AAGAB: variants seen among roughly 807,000 people sequenced by gnomAD.
AAGAB encodes alpha- and gamma-adaptin-binding protein p34.
AAGAB carries 38 observed loss-of-function variants against 44.1 expected under a neutral mutation model. The ratio of observed to expected loss-of-function variants is 0.86; its 90% CI spans 0.67 to 1.13. The LOEUF (loss-of-function observed/expected upper bound fraction) is 1.13. Among genes scored for constraint, AAGAB ranks in the 50% most tolerant of loss-of-function variants. AAGAB has a pLI of 0.00. For synonymous variants in AAGAB, 131 were observed against 131.8 expected (o/e 0.99, Z 0.04); for missense variants, 450 against 373.8 (o/e 1.20, Z -1.68).
intron 4 of AAGAB, among the ~76,000 whole-genome samples, chr15:67,234,380 AAAG>A (rs1382608002): frequency 3.9e-5 from 6 of 152,230 alleles, no homozygotes; most frequent in Non-Finnish European, 7.3e-5. Flanking sequence ...TTAATTCTCA[AAAG>A]AATAACTAAT....
At chr15:67,254,928 T>A, upstream of AAGAB, 1 of 1,613,778 alleles carries the variant, frequency 6.2e-7, no homozygotes, top group Non-Finnish European at 8.5e-7. Flanking sequence ...CACGACCCTG[T>A]CGGATCCATC....
intron 5 of AAGAB, among the ~76,000 whole-genome samples, chr15:67,218,682 T>G (rs1247175301): frequency 6.6e-6 from 1 of 152,150 alleles, no homozygotes; most frequent in Non-Finnish European, 1.5e-5. Context: ...CAATCAACTT[T>G]CAAAATTTGT....
intron 4 of AAGAB, chr15:67,232,587 T>C: frequency 2.4e-6 from 1 of 419,216 alleles, no homozygotes; most frequent in Non-Finnish European, 4.8e-6. Context: ...AGCCAAAATG[T>C]ACAAGACCAC....
chr15:67,210,720 T>C (rs746081255), intron 5 of AAGAB, among the ~76,000 whole-genome samples: 20 of 152,272 alleles, frequency 1.3e-4, no homozygotes, highest in Middle Eastern at 3.4e-3. Flanking sequence ...ACTATCCTAG[T>C]ATTCAAGGAC....
intron 5 of AAGAB, among the ~76,000 whole-genome samples, chr15:67,226,546 T>C (rs1043475845): frequency 2.6e-5 from 4 of 152,232 alleles, no homozygotes; most frequent in Non-Finnish European, 5.9e-5. Flanking sequence ...GTTCTTTATA[T>C]ATTCTAGATA....
At chr15:67,246,059 A>C (rs532257892) in intron 1 of AAGAB, among the ~76,000 whole-genome samples, 1 of 152,300 alleles carries the variant, frequency 6.6e-6, no homozygotes, top group Non-Finnish European at 1.5e-5. Context: ...TTGTTACTGA[A>C]CCTAAAATAT....
rs1963594070 is a variant in AAGAB, at chr15:67,202,677, A to G, written c.*144T>C. ...AAAGATTTCTCCTTAACCTCCTACT[A>G]AAAACTAAAATTAAGGGGACCCTAT... On this transcript the variant is annotated 3_prime_UTR_variant, in exon 10 of 10. Transcript: ENST00000261880. The G allele has an allele frequency of 1.5e-6, 1 of 677,578 alleles. No individual in the cohort carries two copies. The highest frequency in any genetic ancestry group is 1.9e-5 in the South Asian group (1 of 52,548). 42.0% of individuals were successfully genotyped at this position (677,578 alleles called of 1,614,324 possible).
At chr15:67,230,329 T>C (rs1340072085) in intron 5 of AAGAB, among the ~76,000 whole-genome samples, 1 of 152,158 alleles carries the variant, frequency 6.6e-6, no homozygotes, top group South Asian at 2.1e-4. Context: ...ACCTCCAGTA[T>C]CTTAGAATGT....
At chr15:67,252,766 T>C (rs891543742) in intron 1 of AAGAB, among the ~76,000 whole-genome samples, 1 of 152,226 alleles carries the variant, frequency 6.6e-6, no homozygotes, top group Admixed American at 6.5e-5. Flanking sequence ...CTTAGTTAAA[T>C]GCTATAATTA....
intron 1 of AAGAB, among the ~76,000 whole-genome samples, chr15:67,247,085 TG>T (rs1023521986): frequency 1.3e-5 from 2 of 152,118 alleles, no homozygotes; most frequent in African/African-American, 4.8e-5. Flanking sequence ...AAGAACCCAC[TG>T]GGAGGAACAA....
intron 1 of AAGAB, among the ~76,000 whole-genome samples, chr15:67,240,945 A>G (rs747286040): frequency 3.3e-5 from 5 of 152,144 alleles, no homozygotes; most frequent in African/African-American, 4.8e-5. Context: ...TCTATGGTTC[A>G]GAATCAATAA....
intron 1 of AAGAB, 100 bp downstream of exon 1, chr15:67,254,459 C>T: frequency 1.4e-6 from 2 of 1,468,942 alleles, no homozygotes; most frequent in Non-Finnish European, 1.8e-6. Flanking sequence ...GAACGCAGGG[C>T]CCGCTGCGGG....
chr15:67,229,821 T>G (rs1215778501), intron 5 of AAGAB, among the ~76,000 whole-genome samples: 1 of 151,990 alleles, frequency 6.6e-6, no homozygotes, highest in Non-Finnish European at 1.5e-5. Context: ...GTAAGCTCAC[T>G]GTAAAACATG....
chr15:67,243,542 A>G (rs1313050157), intron 1 of AAGAB, among the ~76,000 whole-genome samples: 1 of 152,218 alleles, frequency 6.6e-6, no homozygotes, highest in East Asian at 1.9e-4. Context: ...TGCCACTAGC[A>G]TCTAGTGAGT....
At position 67,203,539 on chromosome 15, in the gene AAGAB, T is replaced by C. The variant is rs1188173858; in HGVS notation, c.870+9A>G. On this transcript the variant is annotated intron_variant, in intron 9 of 9. Coordinates refer to ENST00000261880, the MANE Select transcript of AAGAB (RefSeq NM_024666.5). ...AGGTATTCAATAAATACCTGGCTGATTGTCTCACCTTTTCTGCATGCACTT... is the reference window on the plus strand; with the variant it reads ...AGGTATTCAATAAATACCTGGCTGACTGTCTCACCTTTTCTGCATGCACTT... 2 of 1,613,032 alleles carry C rather than the reference T, an allele frequency of 1.2e-6. No homozygotes were observed. Among genetic ancestry groups the C allele is most frequent in the East Asian group, 2.2e-5 (1 of 44,862 alleles).
In AAGAB at chr15:67,229,916, G is replaced by A. The variant is rs191106692; in HGVS notation, c.535+1898C>T. ...GACTGGAGTGCAGTGGCGCGATCTC[G>A]GCTCACTGCAACCTCTGACTCCCTG... On this transcript the variant is annotated intron_variant, in intron 5 of 9. Coordinates refer to ENST00000261880, the MANE Select transcript of AAGAB (RefSeq NM_024666.5). Among the ~76,000 whole-genome samples, 214 of 152,086 alleles carry A rather than the reference G, an allele frequency of 1.4e-3. 1 individual carries two copies. Among genetic ancestry groups the A allele is most frequent in the African/African-American group, 4.3e-3 (178 of 41,488 alleles).
intron 5 of AAGAB, among the ~76,000 whole-genome samples, chr15:67,222,203 A>T (rs1471174416): frequency 6.7e-6 from 1 of 148,254 alleles, no homozygotes; most frequent in East Asian, 2.1e-4. Flanking sequence ...GCAAAAGCAG[A>T]ACTGATTACT....
intron 1 of AAGAB, among the ~76,000 whole-genome samples, chr15:67,248,230 A>T (rs1478179923): frequency 6.6e-6 from 1 of 152,210 alleles, no homozygotes; most frequent in Non-Finnish European, 1.5e-5. Context: ...AAATATATTA[A>T]GTATCATAGC....
rs1428991172 is a variant in AAGAB at position 67,202,917 on chromosome 15, A to C, written c.871-19T>G. ...TGGCCACCTGTGGAGAGAAGCATGC[A>C]ACAAATTTTAGGCAACAGCTACATT... On this transcript the variant is annotated intron_variant, in intron 9 of 9. Transcript: ENST00000261880. 4 of 1,612,496 alleles carry C rather than the reference A, an allele frequency of 2.5e-6. No individual in the cohort carries two copies. The highest frequency in any genetic ancestry group is 3.4e-6 in the Non-Finnish European group (4 of 1,178,588).
Sources: allele counts gnomAD v4.1 joint callset (sites outside exome capture counted in the v4.1 genomes callset), GRCh38; gene constraint gnomAD v4.1.1; transcripts MANE v1.5; gene names NCBI Gene and HGNC (gene_info 2026-07-23, HGNC 2026-07-21).